The following MKLN1 variants were observed in gnomAD, a reference collection of about 807,000 sequenced individuals.
The protein encoded by MKLN1 is muskelin.
A neutral mutation model predicts 99.0 loss-of-function variants in MKLN1; 18 were observed. The ratio of observed to expected loss-of-function variants is 0.18; its 90% confidence interval spans 0.13 to 0.27. The LOEUF (loss-of-function observed/expected upper bound fraction) is 0.27. Among genes scored for constraint, MKLN1 ranks in the 10% least tolerant of loss-of-function variants. The pLI is 1.00. For synonymous variants in MKLN1, 288 were observed against 293.2 expected (o/e 0.98, Z 0.18); for missense variants, 621 against 875.9 (o/e 0.71, Z 3.67).
At chr7:131,341,977 A>G (rs1799420886) in intron 1 of MKLN1, among the ~76,000 whole-genome samples, 1 of 152,180 alleles carries the variant, frequency 6.6e-6, no homozygotes, top group Non-Finnish European at 1.5e-5. Flanking sequence ...GCATTAGTTG[A>G]TAGACATTTG....
At chr7:131,438,044 G>T in intron 10 of MKLN1, 47 bp downstream of exon 10, 1 of 1,418,858 alleles carries the variant, frequency 7.0e-7, no homozygotes, top group South Asian at 1.2e-5. Context: ...AGTGCTTAGT[G>T]ATTCTTGCAA....
At position 131,192,444 on chromosome 7, in the gene MKLN1, A is replaced by G. The variant is rs544146954; in HGVS notation, c.-296-10413A>G. Among the ~76,000 whole-genome samples the G allele has an allele frequency of 5.3e-5, 7 of 131,268 alleles. No homozygotes were observed. The East Asian group carries it at 6.4e-4, about 12-fold the overall frequency. The allele number at this position is 131,268 out of a possible 152,430, so 86.1% of individuals were successfully genotyped here. On this transcript the variant is annotated intron_variant, in intron 2 of 7. Transcript: ENST00000416992. Reference sequence around the variant, plus strand: ...CAATATATAAATATATAAAATATATACAATATATAAATATATAAAATATAT... The same window carrying G: ...CAATATATAAATATATAAAATATATGCAATATATAAATATATAAAATATAT...
chr7:131,484,356 C>T (rs1797212593), intron 17 of MKLN1, among the ~76,000 whole-genome samples: 1 of 152,158 alleles, frequency 6.6e-6, no homozygotes, highest in Non-Finnish European at 1.5e-5. Context: ...TCTCTTCCCT[C>T]CCTAGCTGTG....
intron 8 of MKLN1, among the ~76,000 whole-genome samples, chr7:131,426,736 C>T (rs1409416734): frequency 6.6e-6 from 1 of 151,792 alleles, no homozygotes; most frequent in Non-Finnish European, 1.5e-5. Flanking sequence ...TCATACTTGA[C>T]AGCCTTCAGA....
intron 3 of MKLN1, among the ~76,000 whole-genome samples, chr7:131,204,720 C>T (rs1047967028): frequency 1.3e-5 from 2 of 152,108 alleles, no homozygotes; most frequent in Non-Finnish European, 1.5e-5. Flanking sequence ...AATCCCAGCA[C>T]TTTGGGAGGC....
intron 3 of MKLN1, among the ~76,000 whole-genome samples, chr7:131,307,213 A>G (rs1798481214): frequency 6.6e-6 from 1 of 152,136 alleles, no homozygotes; most frequent in South Asian, 2.1e-4. Context: ...TTAAAGTTTG[A>G]GAATCCTCCG....
chr7:131,396,577 T>C (rs1794367273), intron 4 of MKLN1, among the ~76,000 whole-genome samples: 1 of 152,166 alleles, frequency 6.6e-6, no homozygotes, highest in African/African-American at 2.4e-5. Context: ...TTTTGATGCT[T>C]TTTAAAAAAA....
intron 1 of MKLN1, among the ~76,000 whole-genome samples, chr7:131,358,541 C>T (rs753982865): frequency 1.3e-5 from 2 of 152,034 alleles, no homozygotes; most frequent in Non-Finnish European, 2.9e-5. Context: ...ATGCTGGTCT[C>T]GTAGAAAGCA....
At chr7:131,450,895 A>G (rs1350759554) in intron 12 of MKLN1, among the ~76,000 whole-genome samples, 1 of 152,206 alleles carries the variant, frequency 6.6e-6, no homozygotes, top group Non-Finnish European at 1.5e-5. Context: ...CAAAACCTAT[A>G]CAAAGATCAG....
chr7:131,477,567 A>G (rs1797003477), intron 16 of MKLN1, among the ~76,000 whole-genome samples: 1 of 152,224 alleles, frequency 6.6e-6, no homozygotes, highest in African/African-American at 2.4e-5. Context: ...TATATCTGAC[A>G]GAGGACTGAT....
chr7:131,355,628 C>CTATG (rs1554557272), intron 1 of MKLN1, among the ~76,000 whole-genome samples: 1 of 136,906 alleles, frequency 7.3e-6, no homozygotes, highest in Non-Finnish European at 1.5e-5. Flanking sequence ...TAACTTGATA[C>CTATG]TATATATATA....
intron 3 of MKLN1, among the ~76,000 whole-genome samples, chr7:131,295,316 C>T (rs893419330): frequency 2.0e-5 from 3 of 152,034 alleles, no homozygotes; most frequent in Non-Finnish European, 2.9e-5. Context: ...CAAGAGCTAA[C>T]ATTTAAAACA....
rs1797539514 is a variant in MKLN1, at chr7:131,495,678, C to A, written c.*7950C>A. The A allele has an allele frequency of 6.6e-6, 1 of 152,118 alleles. No homozygotes were observed. Among genetic ancestry groups the A allele is most frequent in the African/African-American group, 2.4e-5 (1 of 41,436 alleles). The allele number at this position is 152,118 out of a possible 1,614,324, so 9.4% of individuals were successfully genotyped here. ...GGCTGGAAGCATATGTCCCCCCACC[C>A]TTATTTATATTCCTTTGAGCATTGC... On this transcript the variant is annotated 3_prime_UTR_variant, in exon 18 of 18. Transcript: ENST00000352689.
At chr7:131,249,805 T>C (rs979203514) in intron 3 of MKLN1, among the ~76,000 whole-genome samples, 1 of 152,038 alleles carries the variant, frequency 6.6e-6, no homozygotes, top group Non-Finnish European at 1.5e-5. Flanking sequence ...CATCAGAATA[T>C]GCAGGGGAAG....
intron 1 of MKLN1, among the ~76,000 whole-genome samples, chr7:131,340,309 C>T (rs1296177565): frequency 1.3e-4 from 15 of 112,732 alleles, no homozygotes; most frequent in Middle Eastern, 8.9e-3. Context: ...GATGGAGTCT[C>T]GCTTTGTCGC....
chr7:131,478,022 C>CT (rs1197847333), intron 16 of MKLN1, among the ~76,000 whole-genome samples: 1 of 152,190 alleles, frequency 6.6e-6, no homozygotes, highest in Admixed American at 6.5e-5. Context: ...TTTAAACTAA[C>CT]TTTAACTGAC....
At chr7:131,320,124 A>C (rs62468080) in intron 3 of MKLN1, among the ~76,000 whole-genome samples, 10,893 of 152,280 alleles carry the variant, frequency 0.072, 530 homozygotes, top group Middle Eastern at 0.14. Flanking sequence ...TAGCCAAGAC[A>C]ATCATAAGCA....
At chr7:131,302,004 A>T (rs1798383059) in intron 3 of MKLN1, among the ~76,000 whole-genome samples, 3 of 152,324 alleles carry the variant, frequency 2.0e-5, no homozygotes, top group Non-Finnish European at 2.9e-5. Context: ...AAATAGGAAA[A>T]GTTTAATTGA....
chr7:131,306,567 C>T (rs1798470793), intron 3 of MKLN1, among the ~76,000 whole-genome samples: 1 of 152,162 alleles, frequency 6.6e-6, no homozygotes, highest in African/African-American at 2.4e-5. Context: ...TGGCATTTTG[C>T]CCCTGCCCTA....
Sources: allele counts gnomAD v4.1 joint callset (sites outside exome capture counted in the v4.1 genomes callset), GRCh38; gene constraint gnomAD v4.1.1; transcripts MANE v1.5; gene names NCBI Gene and HGNC (gene_info 2026-07-23, HGNC 2026-07-21).